TMTC2: variants seen among roughly 807,000 people sequenced by gnomAD.
TMTC2 encodes the protein transmembrane O-mannosyltransferase targeting cadherins 2, also known as protein O-mannosyl-transferase TMTC2.
Under a neutral mutation model 82.4 loss-of-function variants are expected in TMTC2, and 43 were observed. That is an observed-to-expected ratio of 0.52 (90% CI 0.41 to 0.67). The LOEUF (loss-of-function observed/expected upper bound fraction) is 0.67, where lower values mean the gene tolerates loss of function less well. TMTC2 is among the 30% of genes least tolerant of loss of function. The probability of loss-of-function intolerance (pLI) is 0.00; values close to 1 mark genes in which losing one functional copy is unlikely to be tolerated. For missense variants in TMTC2, 919 were observed against 1,012.4 expected (o/e 0.91, Z 1.25); for synonymous variants, 408 against 381.9 (o/e 1.07, Z -0.80).
At chr12:83,058,802 T>C (rs565649642) in intron 10 of TMTC2, among the ~76,000 whole-genome samples, 6 of 151,938 alleles carry the variant, frequency 3.9e-5, no homozygotes, top group African/African-American at 1.2e-4. Flanking sequence ...TCCTCTTCAC[T>C]CACCTTCAAA....
intron 3 of TMTC2, among the ~76,000 whole-genome samples, chr12:82,923,154 T>A (rs559554198): frequency 9.2e-5 from 14 of 152,306 alleles, no homozygotes; most frequent in African/African-American, 3.4e-4. Flanking sequence ...CTACCAGTAG[T>A]TGACCTTATC....
At chr12:82,970,669 C>G (rs1878414000) in intron 7 of TMTC2, among the ~76,000 whole-genome samples, 1 of 152,226 alleles carries the variant, frequency 6.6e-6, no homozygotes, top group Non-Finnish European at 1.5e-5. Flanking sequence ...TGATTGTATT[C>G]TCTGTCACTG....
At chr12:83,078,154 C>T (rs1883350967) in intron 11 of TMTC2, among the ~76,000 whole-genome samples, 1 of 151,822 alleles carries the variant, frequency 6.6e-6, no homozygotes, top group Non-Finnish European at 1.5e-5. Flanking sequence ...GATCAGATAT[C>T]GAGGGTGGGG....
At chr12:82,810,910 C>T (rs756172075) in intron 1 of TMTC2, among the ~76,000 whole-genome samples, 4 of 152,070 alleles carry the variant, frequency 2.6e-5, no homozygotes, top group Admixed American at 2.0e-4. Context: ...GTTTCCCCAG[C>T]GATGCTGAAC....
At chr12:82,966,759 A>G (rs765859852) in intron 6 of TMTC2, among the ~76,000 whole-genome samples, 160 bp from the exon 7 acceptor site, 9 of 152,198 alleles carry the variant, frequency 5.9e-5, no homozygotes, top group Non-Finnish European at 1.3e-4. Context: ...GAATTGAGAT[A>G]GTATGCCACA....
intron 7 of TMTC2, among the ~76,000 whole-genome samples, chr12:82,971,008 C>A (rs1274029900): frequency 6.6e-6 from 1 of 152,066 alleles, no homozygotes; most frequent in East Asian, 1.9e-4. Flanking sequence ...ATTCTGTATT[C>A]TATTGCTCAG....
At chr12:83,083,828 G>T (rs1353642870) in intron 11 of TMTC2, among the ~76,000 whole-genome samples, 8 of 152,180 alleles carry the variant, frequency 5.3e-5, no homozygotes, top group Admixed American at 4.6e-4. Flanking sequence ...GTCTTTTACA[G>T]TGTTGGAAAT....
intron 11 of TMTC2, among the ~76,000 whole-genome samples, chr12:83,112,470 G>A (rs1223124703): frequency 6.6e-6 from 1 of 152,128 alleles, no homozygotes; most frequent in Non-Finnish European, 1.5e-5. Flanking sequence ...TTGGACTGAA[G>A]TAAATAAAAG....
chr12:83,006,887 T>C (rs1219347231), intron 8 of TMTC2, among the ~76,000 whole-genome samples: 1 of 151,716 alleles, frequency 6.6e-6, no homozygotes, highest in Non-Finnish European at 1.5e-5. Flanking sequence ...TTCTCACTCA[T>C]AGGTGGGAAT....
At chr12:82,970,916 C>A (rs1878421933) in intron 7 of TMTC2, among the ~76,000 whole-genome samples, 1 of 152,096 alleles carries the variant, frequency 6.6e-6, no homozygotes, top group Admixed American at 6.5e-5. Flanking sequence ...GTGCTTCCTC[C>A]AAATTAAGAT....
chr12:82,714,700 C>T (rs1258675649), intron 1 of TMTC2, among the ~76,000 whole-genome samples: 8 of 152,020 alleles, frequency 5.3e-5, no homozygotes, highest in Non-Finnish European at 8.8e-5. Context: ...TGTTAGGGAC[C>T]GTGAATTTTT....
intron 1 of TMTC2, among the ~76,000 whole-genome samples, chr12:82,750,650 A>G (rs952601770): frequency 6.6e-6 from 1 of 152,166 alleles, no homozygotes; most frequent in African/African-American, 2.4e-5. Flanking sequence ...GTGAGATATT[A>G]TTATTAATCC....
rs369429008 is a variant in TMTC2, at chr12:82,952,952, A to G, written c.1599-12072A>G. On this transcript the variant is annotated intron_variant, in intron 4 of 11. Transcript: ENST00000321196. The stretch of plus-strand genomic sequence containing the variant: ...AAGAGGTTGGTTGTCAAGTGATAAG[A>G]AACCCAAAATAACAGTAGCTTAAAC... Among the ~76,000 whole-genome samples the G allele has an allele frequency of 2.0e-4, 31 of 152,296 alleles. No homozygotes were observed. The East Asian group carries it at 4.2e-3, about 21-fold the overall frequency.
At chr12:82,928,412 C>T (rs764178885) in intron 3 of TMTC2, among the ~76,000 whole-genome samples, 8 of 152,118 alleles carry the variant, frequency 5.3e-5, no homozygotes, top group Non-Finnish European at 8.8e-5. Flanking sequence ...CCTATGATAT[C>T]ACGCCTATTA....
At chr12:82,853,575 G>C (rs1015634925) in intron 1 of TMTC2, among the ~76,000 whole-genome samples, 1 of 152,102 alleles carries the variant, frequency 6.6e-6, no homozygotes, top group Admixed American at 6.6e-5. Context: ...TTTTTTAATG[G>C]GTGAATTTTT....
intron 8 of TMTC2, among the ~76,000 whole-genome samples, chr12:82,992,959 A>G (rs1255862945): frequency 2.0e-5 from 3 of 152,078 alleles, no homozygotes; most frequent in Non-Finnish European, 4.4e-5. Flanking sequence ...CTATATCTAC[A>G]TATATATGCT....
rs1473365053 is a variant in TMTC2, at chr12:82,876,060, GTGGTGGTGA to G, written c.654+18483_654+18491del. On this transcript the variant is annotated intron_variant, in intron 2 of 11. Coordinates refer to ENST00000321196, the MANE Select transcript of TMTC2 (RefSeq NM_152588.3). Reference sequence around the variant, plus strand: ...GGTGGTGGTGGTGGTGGTGGTGGTGGTGGTGGTGATGATGATGATGGTGATTAGTATTCA... The same window carrying G: ...GGTGGTGGTGGTGGTGGTGGTGGTGGTGATGATGATGGTGATTAGTATTCA... Among the ~76,000 whole-genome samples the G allele has an allele frequency of 6.8e-3, 798 of 117,854 alleles. 31 individuals are homozygous for G. Among genetic ancestry groups the G allele is most frequent in the African/African-American group, 0.025 (733 of 29,768 alleles). The allele number at this position is 117,854 out of a possible 152,430, so 77.3% of individuals were successfully genotyped here.
chr12:82,750,701 A>G (rs575260615), intron 1 of TMTC2, among the ~76,000 whole-genome samples: 2 of 152,250 alleles, frequency 1.3e-5, no homozygotes, highest in East Asian at 3.9e-4. Context: ...CAGACACTAT[A>G]CAAAGTGCTT....
At chr12:83,029,739 C>A (rs73134019) in intron 8 of TMTC2, among the ~76,000 whole-genome samples, 1 of 152,030 alleles carries the variant, frequency 6.6e-6, no homozygotes, top group Non-Finnish European at 1.5e-5. Context: ...CTTGTGCCAT[C>A]CTTCTGTGTT....
Sources: allele counts gnomAD v4.1 joint callset (sites outside exome capture counted in the v4.1 genomes callset), GRCh38; gene constraint gnomAD v4.1.1; transcripts MANE v1.5; gene names NCBI Gene and HGNC (gene_info 2026-07-23, HGNC 2026-07-21).